ARL17A: variants seen among roughly 807,000 people sequenced by gnomAD.
The protein encoded by ARL17A is ARF like GTPase 17A, also known as ADP-ribosylation factor-like 17-like.
intron 3 of ARL17A, among the ~76,000 whole-genome samples, chr17:46,519,736 A>C (rs2052037104): frequency 6.8e-6 from 1 of 147,896 alleles, no homozygotes; most frequent in South Asian, 2.1e-4. Flanking sequence ...AATATAAACA[A>C]CATTTATGTT....
At chr17:46,529,491 A>C (rs1223430450) in intron 4 of ARL17A, among the ~76,000 whole-genome samples, 1 of 106,152 alleles carries the variant, frequency 9.4e-6, no homozygotes, top group African/African-American at 3.2e-5. Flanking sequence ...CCAGAAATGG[A>C]AATGGTCATC....
chr17:46,521,777 C>G (rs2052320800), intron 3 of ARL17A, among the ~76,000 whole-genome samples: 1 of 50,516 alleles, frequency 2.0e-5, no homozygotes, highest in East Asian at 3.0e-4. Flanking sequence ...AATGGGAGGG[C>G]AAAACACAGG....
chr17:46,544,765 A>G lies in ARL17A; in HGVS notation c.260-6339T>C, dbSNP rs1202935641. 9.9e-4 allele frequency among the ~76,000 whole-genome samples: 95 copies of G among 95,620 alleles called. 1 individual carries two copies. Among genetic ancestry groups the G allele is most frequent in the Admixed American group, 1.3e-3 (12 of 9,426 alleles). 62.7% of individuals were successfully genotyped at this position (95,620 alleles called of 152,430 possible). A position where few individuals can be genotyped will look rare whatever the true frequency, so the allele number is the denominator to read the frequency against. The stretch of plus-strand genomic sequence containing the variant: ...ATAAGCCACAACAATAAATTAATCA[A>G]TTGTCTCGGTCACCTCTTTTGCCCA... On this transcript the variant is annotated intron_variant, in intron 3 of 4. Transcript: ENST00000329240.
chr17:46,500,959 C>T, the ARL17A span, among the ~76,000 whole-genome samples: 1 of 151,176 alleles, frequency 6.6e-6, no homozygotes, highest in Non-Finnish European at 1.5e-5. Context: ...GCGGGTGGAT[C>T]ACCTGAGGTG....
At chr17:46,544,875 C>T (rs1463570182) in intron 3 of ARL17A, among the ~76,000 whole-genome samples, 1 of 135,218 alleles carries the variant, frequency 7.4e-6, no homozygotes, top group Admixed American at 7.4e-5. Flanking sequence ...CACTGCATGT[C>T]ATGTCTTCAT....
chr17:46,532,221 C>CA (rs2053765618), intron 4 of ARL17A, among the ~76,000 whole-genome samples: 1 of 148,280 alleles, frequency 6.7e-6, no homozygotes, highest in Non-Finnish European at 1.5e-5. Context: ...CTTTTTCACT[C>CA]AAAAAAACAA....
chr17:46,526,440 C>T (rs1334582319), downstream of ARL17A, among the ~76,000 whole-genome samples: 2 of 103,260 alleles, frequency 1.9e-5, no homozygotes, highest in African/African-American at 7.6e-5. Context: ...TAGAGCCTAA[C>T]CTTCCAGGCT....
Position 46,553,509 on chromosome 17 carries a change from T to C in ARL17A, c.*3847A>G, listed in dbSNP as rs2057033454. On this transcript the variant is annotated 3_prime_UTR_variant, in exon 4 of 4. Transcript: ENST00000336125. ...CTTTTGAGACGGAGTTTCCCTCTTG[T>C]TGCCAGGCTGGAGTGCAATGACACG... is the stretch of plus-strand genomic sequence containing the variant. 3 of 1,605,620 alleles carry C rather than the reference T, an allele frequency of 1.9e-6. No individual in the cohort carries two copies. The highest frequency in any genetic ancestry group is 2.8e-5 in the African/African-American group (2 of 70,720).
At chr17:46,509,910 GAA>G in the ARL17A span, among the ~76,000 whole-genome samples, 2 of 46,718 alleles carry the variant, frequency 4.3e-5, no homozygotes. Flanking sequence ...CTCTCTCGAG[GAA>G]AAAAAAAAAA....
intron 4 of ARL17A, among the ~76,000 whole-genome samples, chr17:46,531,843 G>GA (rs1185873281): frequency 8.4e-6 from 1 of 118,476 alleles, no homozygotes; most frequent in Non-Finnish European, 1.6e-5. Context: ...TGTTTTAAAA[G>GA]AAAAAAAATC....
At chr17:46,502,448 C>T in the ARL17A span, among the ~76,000 whole-genome samples, 2 of 150,848 alleles carry the variant, frequency 1.3e-5, no homozygotes, top group Non-Finnish European at 2.9e-5. Flanking sequence ...ATTATAGGTA[C>T]CCACCACCAC....
the ARL17A span, among the ~76,000 whole-genome samples, chr17:46,502,905 C>T: frequency 1.3e-5 from 2 of 150,740 alleles, no homozygotes; most frequent in East Asian, 3.9e-4. Flanking sequence ...CGTGGTAGCA[C>T]TCAACGTTTA....
At chr17:46,526,481 G>C (rs1468534352), downstream of ARL17A, among the ~76,000 whole-genome samples, 4 of 104,068 alleles carry the variant, frequency 3.8e-5, no homozygotes, top group African/African-American at 1.5e-4. Flanking sequence ...CCAAGGTCGT[G>C]GGAGGGCCCC....
At chr17:46,534,220 G>A (rs1205982681) in intron 4 of ARL17A, among the ~76,000 whole-genome samples, 1 of 147,304 alleles carries the variant, frequency 6.8e-6, no homozygotes, top group East Asian at 2.0e-4. Context: ...TTTTTTTATT[G>A]ATCATTCTTG....
chr17:46,529,229 T>C (rs1252198393), intron 4 of ARL17A, among the ~76,000 whole-genome samples: 1 of 120,202 alleles, frequency 8.3e-6, no homozygotes, highest in Admixed American at 8.9e-5. Context: ...TGTTCCCTTA[T>C]TTTGTGAGCT....
intron 3 of ARL17A, among the ~76,000 whole-genome samples, chr17:46,545,792 G>A (rs1250633991): frequency 1.3e-5 from 2 of 148,342 alleles, no homozygotes; most frequent in East Asian, 2.0e-4. Flanking sequence ...GACCAATGCA[G>A]TCTTTGTTAT....
intron 3 of ARL17A, among the ~76,000 whole-genome samples, chr17:46,544,117 A>G (rs2145671507): frequency 1.9e-5 from 2 of 105,504 alleles, no homozygotes; most frequent in East Asian, 5.4e-4. Context: ...CCCGGCCTCA[A>G]AATAAACAAA....
the ARL17A span, among the ~76,000 whole-genome samples, chr17:46,500,675 G>A: frequency 1.3e-5 from 2 of 151,106 alleles, no homozygotes; most frequent in African/African-American, 4.9e-5. Context: ...CCCTTGTTGA[G>A]TAGCAAGGTT....
chr17:46,545,285 C>CAAA (rs71277059), intron 3 of ARL17A, among the ~76,000 whole-genome samples: 1 of 116,546 alleles, frequency 8.6e-6, no homozygotes, highest in African/African-American at 3.7e-5. Context: ...TACAAAAGTA[C>CAAA]AAAAAAAAAA....
Sources: gnomAD v4.1 joint callset for allele counts (sites outside exome capture counted in the v4.1 genomes callset) on GRCh38, gnomAD v4.1.1 for gene constraint, MANE v1.5 for transcripts, NCBI Gene and HGNC (gene_info 2026-07-23, HGNC 2026-07-21) for gene names.